Variants in PCDH9 observed in about 807,000 individuals in gnomAD.
The protein encoded by PCDH9 is protocadherin-9.
Under a neutral mutation model 70.6 loss-of-function variants are expected in PCDH9, and 24 were observed. That is an observed-to-expected ratio of 0.34 (90% confidence interval 0.25 to 0.48). The LOEUF is 0.48. Among genes scored for constraint, PCDH9 ranks in the 20% least tolerant of loss-of-function variants. The probability of loss-of-function intolerance (pLI) is 0.99; values close to 1 mark genes in which losing one functional copy is unlikely to be tolerated. For missense variants in PCDH9, 1,281 were observed against 1,503.6 expected (o/e 0.85, Z 2.45); for synonymous variants, 562 against 558.5 (o/e 1.01, Z -0.09).
chr13:67,036,315 C>T (rs1267800549), intron 2 of PCDH9, among the ~76,000 whole-genome samples: 1 of 152,076 alleles, frequency 6.6e-6, no homozygotes. Context: ...AAGTACATTC[C>T]TCAATTCAGG....
chr13:66,898,879 A>G (rs1334535292), intron 3 of PCDH9, among the ~76,000 whole-genome samples: 1 of 151,976 alleles, frequency 6.6e-6, no homozygotes, highest in African/African-American at 2.4e-5. Context: ...TCTAGCTATC[A>G]GTGTGTCCTT....
intron 2 of PCDH9, among the ~76,000 whole-genome samples, chr13:66,980,744 T>G (rs1024850467): frequency 6.9e-6 from 1 of 145,332 alleles, no homozygotes; most frequent in Non-Finnish European, 1.5e-5. Context: ...TTTTTTTTGT[T>G]TTTTTTTTTA....
chr13:66,320,067 T>C (rs994942312), intron 4 of PCDH9, among the ~76,000 whole-genome samples: 2 of 152,106 alleles, frequency 1.3e-5, no homozygotes, highest in Non-Finnish European at 2.9e-5. Flanking sequence ...TGATGAAAAG[T>C]GAGCCAGTGA....
chr13:66,888,815 C>T (rs754921088), intron 3 of PCDH9, among the ~76,000 whole-genome samples: 1 of 152,150 alleles, frequency 6.6e-6, no homozygotes, highest in Non-Finnish European at 1.5e-5. Flanking sequence ...CTGCACAGAG[C>T]TTGTGAGCTT....
At chr13:66,652,501 A>G (rs2138994134) in intron 3 of PCDH9, among the ~76,000 whole-genome samples, 1 of 152,086 alleles carries the variant, frequency 6.6e-6, no homozygotes, top group South Asian at 2.1e-4. Context: ...AAAAGGAAAG[A>G]TATCTATGTT....
chr13:67,106,979 C>T (rs1326728779), intron 2 of PCDH9, among the ~76,000 whole-genome samples: 1 of 152,168 alleles, frequency 6.6e-6, no homozygotes. Flanking sequence ...CTGAGGATGT[C>T]TACATGAGGT....
At chr13:66,558,319 T>A (rs564502794) in intron 4 of PCDH9, among the ~76,000 whole-genome samples, 6 of 152,240 alleles carry the variant, frequency 3.9e-5, no homozygotes, top group South Asian at 2.1e-4. Flanking sequence ...ATGCTTTTTT[T>A]AAAAAAGCCT....
intron 3 of PCDH9, among the ~76,000 whole-genome samples, chr13:66,719,534 A>G (rs2078914379): frequency 6.6e-6 from 1 of 152,180 alleles, no homozygotes; most frequent in Admixed American, 6.5e-5. Flanking sequence ...ACCTGCTGGT[A>G]GCTTGATCTT....
Position 67,010,640 on chromosome 13 carries a change from C to G in PCDH9, c.3037-107035G>C, listed in dbSNP as rs1462443650. Among the ~76,000 whole-genome samples the G allele has an allele frequency of 3.9e-5, 6 of 152,094 alleles. 1 individual carries two copies. Among genetic ancestry groups the G allele is most frequent in the South Asian group, 4.1e-4 (2 of 4,822 alleles). On this transcript the variant is annotated intron_variant, in intron 2 of 4. Coordinates refer to ENST00000377865, the MANE Select transcript of PCDH9 (RefSeq NM_203487.3). Reference sequence around the variant, plus strand: ...TTTATTCTGTTCTATTTGCCATACTCTTTTCCTTAGTTATGTATGCATTGC... The same window carrying G: ...TTTATTCTGTTCTATTTGCCATACTGTTTTCCTTAGTTATGTATGCATTGC...
chr13:66,779,839 C>CTA (rs1217221898), intron 3 of PCDH9, among the ~76,000 whole-genome samples: 3 of 24,706 alleles, frequency 1.2e-4, no homozygotes, highest in Non-Finnish European at 1.9e-4. Context: ...CTCTCTCTCT[C>CTA]TCTCTCTCTC....
At chr13:66,997,571 G>A (rs1478670500) in intron 2 of PCDH9, among the ~76,000 whole-genome samples, 3 of 151,234 alleles carry the variant, frequency 2.0e-5, no homozygotes, top group Non-Finnish European at 4.4e-5. Flanking sequence ...GTCTCACTCT[G>A]TTGCCCAGGC....
At chr13:66,489,620 A>T (rs9317592) in intron 4 of PCDH9, among the ~76,000 whole-genome samples, 131,271 of 152,162 alleles carry the variant, frequency 0.86, 56,751 homozygotes, top group East Asian at 1. Context: ...CCAACATTTG[A>T]TTATTAGTAT....
chr13:67,134,794 A>G (rs1566446421), intron 2 of PCDH9, among the ~76,000 whole-genome samples: 1 of 152,102 alleles, frequency 6.6e-6, no homozygotes, highest in Non-Finnish European at 1.5e-5. Context: ...TAAAAGTGGC[A>G]TCTGGCATGA....
chr13:66,977,160 G>T (rs535046924), intron 2 of PCDH9, among the ~76,000 whole-genome samples: 4 of 152,094 alleles, frequency 2.6e-5, no homozygotes, highest in African/African-American at 9.6e-5. Flanking sequence ...ATAATATTTT[G>T]CTCTTTTTGA....
chr13:66,383,384 T>G (rs970708512), intron 4 of PCDH9, among the ~76,000 whole-genome samples: 2 of 152,188 alleles, frequency 1.3e-5, no homozygotes, highest in Non-Finnish European at 2.9e-5. Flanking sequence ...CATGTTTCAT[T>G]CAAAATGCTC....
chr13:66,675,842 A>C (rs2078235505), intron 3 of PCDH9, among the ~76,000 whole-genome samples: 1 of 152,192 alleles, frequency 6.6e-6, no homozygotes, highest in Non-Finnish European at 1.5e-5. Flanking sequence ...GCTCTTGTGC[A>C]AGTCAGTTAA....
At chr13:66,819,924 T>C (rs1219350479) in intron 3 of PCDH9, among the ~76,000 whole-genome samples, 1 of 151,894 alleles carries the variant, frequency 6.6e-6, no homozygotes, top group East Asian at 1.9e-4. Flanking sequence ...AATAAATAGG[T>C]TTTACAATAA....
rs34291752 is a variant in PCDH9, at chr13:66,338,882, G to GAA, written c.3341-33856_3341-33855dup. 8.4e-4 allele frequency among the ~76,000 whole-genome samples: 127 copies of GAA among 150,460 alleles called. No homozygotes were observed. In the East Asian group the frequency reaches 0.012, roughly 14 times the overall value. ...GATGAAGTATTCTCTTGGTAGAAGA[G>GAA]AAAAAAAAAGAAGTAAAGAAGCAGC... On this transcript the variant is annotated intron_variant, in intron 4 of 4. Transcript: ENST00000377865.
chr13:67,207,372 G>C (rs555103482), intron 2 of PCDH9: 4 of 152,142 alleles, frequency 2.6e-5, no homozygotes, highest in Non-Finnish European at 5.9e-5. Context: ...CCCCTGACTA[G>C]AACTGTGACC....
Sources: allele counts gnomAD v4.1 joint callset (sites outside exome capture counted in the v4.1 genomes callset), GRCh38; gene constraint gnomAD v4.1.1; transcripts MANE v1.5; gene names NCBI Gene and HGNC (gene_info 2026-07-23, HGNC 2026-07-21).